The following ADGRL3 variants were observed in gnomAD, a reference collection of about 807,000 sequenced individuals.
The protein encoded by ADGRL3 is adhesion G protein-coupled receptor L3, also known as calcium-independent alpha-latrotoxin receptor 3.
In ADGRL3, 62 loss-of-function variants were observed where a neutral mutation model predicts 153.5. The ratio of observed to expected loss-of-function variants is 0.40; its 90% confidence interval spans 0.33 to 0.50. ADGRL3 has a LOEUF of 0.50. Among genes scored for constraint, ADGRL3 ranks in the 20% least tolerant of loss-of-function variants. The pLI is 0.47. For missense variants in ADGRL3, 1,641 were observed against 1,859.4 expected (o/e 0.88, Z 2.16); for synonymous variants, 710 against 672.5 (o/e 1.06, Z -0.86).
chr4:61,341,557 C>T (rs986680922), intron 1 of ADGRL3, among the ~76,000 whole-genome samples: 1 of 151,124 alleles, frequency 6.6e-6, no homozygotes, highest in African/African-American at 2.4e-5. Context: ...TTATGTTATG[C>T]ACATGTAATG....
At chr4:61,495,054 C>G (rs769593844) in intron 2 of ADGRL3, among the ~76,000 whole-genome samples, 3 of 152,042 alleles carry the variant, frequency 2.0e-5, no homozygotes, top group Non-Finnish European at 2.9e-5. Context: ...TAAGTAATAT[C>G]ACCCTACCCA....
chr4:61,725,436 C>G (rs1180995032), intron 6 of ADGRL3, among the ~76,000 whole-genome samples: 2 of 151,812 alleles, frequency 1.3e-5, no homozygotes, highest in African/African-American at 4.8e-5. Context: ...ACTAAAAATA[C>G]AAAACAAAAT....
chr4:61,712,192 G>A (rs938708942), intron 6 of ADGRL3, among the ~76,000 whole-genome samples: 2 of 152,040 alleles, frequency 1.3e-5, no homozygotes, highest in South Asian at 2.1e-4. Flanking sequence ...CCCGGAATTC[G>A]AGACCAGTCT....
At chr4:61,425,132 T>C (rs1431466419) in intron 2 of ADGRL3, among the ~76,000 whole-genome samples, 1 of 152,176 alleles carries the variant, frequency 6.6e-6, no homozygotes, top group African/African-American at 2.4e-5. Context: ...TTGTGCAGGC[T>C]ATGGTGGGCA....
chr4:61,352,394 CTT>C (rs373552031), intron 1 of ADGRL3, among the ~76,000 whole-genome samples: 1 of 145,076 alleles, frequency 6.9e-6, no homozygotes, highest in Non-Finnish European at 1.5e-5. Flanking sequence ...TAAACATAAC[CTT>C]TTTTTTTTTT....
rs765097086 is a variant in ADGRL3, at chr4:61,979,786, A to G, written c.3015+14A>G. On this transcript the variant is annotated intron_variant, in intron 18 of 26. Coordinates refer to ENST00000683033, the MANE Select transcript of ADGRL3 (RefSeq NM_001387552.1). ...ACTGACCAACCAGTAAGCAACCTAC[A>G]TTGATACCAGTGAAGAATTTTTCCA... 1.0e-5 allele frequency: 16 copies of G among 1,603,788 alleles called. No homozygotes were observed. In the East Asian group the frequency reaches 2.7e-4, roughly 27 times the overall value.
At chr4:61,704,522 C>T (rs13146728) in intron 6 of ADGRL3, among the ~76,000 whole-genome samples, 52,134 of 151,962 alleles carry the variant, frequency 0.34, 9,706 homozygotes, top group South Asian at 0.44. Flanking sequence ...TGGAAGCTCT[C>T]GCCTTGATGC....
At chr4:61,707,947 C>T (rs890332921) in intron 6 of ADGRL3, among the ~76,000 whole-genome samples, 2 of 152,040 alleles carry the variant, frequency 1.3e-5, no homozygotes, top group African/African-American at 4.8e-5. Flanking sequence ...ATGTGGGTCA[C>T]TCTCTCTTGC....
chr4:61,648,394 G>A (rs553785489), intron 5 of ADGRL3, among the ~76,000 whole-genome samples: 28 of 138,616 alleles, frequency 2.0e-4, no homozygotes, highest in Non-Finnish European at 2.9e-4. Flanking sequence ...CCCTCAATGA[G>A]TGATTTTTCT....
At chr4:61,715,976 T>C (rs1306038952) in intron 6 of ADGRL3, among the ~76,000 whole-genome samples, 1 of 151,436 alleles carries the variant, frequency 6.6e-6, no homozygotes, top group Non-Finnish European at 1.5e-5. Flanking sequence ...AAAAATCCTT[T>C]CCTCGACAAT....
At chr4:61,502,482 A>T (rs978365792) in intron 3 of ADGRL3, among the ~76,000 whole-genome samples, 30 of 84,094 alleles carry the variant, frequency 3.6e-4, no homozygotes, top group African/African-American at 1.8e-3. Flanking sequence ...CAGCTTATAC[A>T]TGTTTTTTTT....
chr4:61,752,498 G>T (rs186802635), intron 8 of ADGRL3, among the ~76,000 whole-genome samples: 1 of 152,314 alleles, frequency 6.6e-6, no homozygotes, highest in East Asian at 1.9e-4. Flanking sequence ...ATTTCTCTGT[G>T]TTCCTTCATC....
At chr4:62,063,908 CTTG>C (rs1410215390) in intron 25 of ADGRL3, among the ~76,000 whole-genome samples, 1 of 151,910 alleles carries the variant, frequency 6.6e-6, no homozygotes, top group Admixed American at 6.6e-5. Context: ...TTTGTCAGTA[CTTG>C]TTGTTCATTT....
chr4:61,436,566 T>C (rs2097448149), intron 2 of ADGRL3, among the ~76,000 whole-genome samples: 1 of 152,166 alleles, frequency 6.6e-6, no homozygotes, highest in African/African-American at 2.4e-5. Context: ...TGCTGACATA[T>C]ACGTGAGCAA....
At chr4:62,048,896 T>C (rs899071679) in intron 25 of ADGRL3, among the ~76,000 whole-genome samples, 1 of 152,076 alleles carries the variant, frequency 6.6e-6, no homozygotes. Context: ...TTCAGTTTGA[T>C]CCAAAAATGA....
chr4:61,608,374 C>G (rs2099040809), intron 5 of ADGRL3, among the ~76,000 whole-genome samples: 1 of 152,110 alleles, frequency 6.6e-6, no homozygotes, highest in East Asian at 1.9e-4. Context: ...AAGACTATTT[C>G]AGAGAATATA....
intron 8 of ADGRL3, among the ~76,000 whole-genome samples, chr4:61,773,091 A>C (rs750259291): frequency 1.6e-4 from 25 of 152,178 alleles, no homozygotes; most frequent in Non-Finnish European, 2.9e-4. Context: ...GATCATACTG[A>C]ACTGTTCTTC....
chr4:61,833,707 A>C (rs1327427721), intron 9 of ADGRL3, among the ~76,000 whole-genome samples: 2 of 152,154 alleles, frequency 1.3e-5, no homozygotes, highest in Non-Finnish European at 2.9e-5. Flanking sequence ...ATGACTCCTA[A>C]ACCACAATTT....
chr4:61,717,499 C>G (rs1348079086), intron 6 of ADGRL3, among the ~76,000 whole-genome samples: 1 of 151,996 alleles, frequency 6.6e-6, no homozygotes, highest in African/African-American at 2.4e-5. Context: ...TGACCTTGAG[C>G]AAGTAATTTA....
Sources: gnomAD v4.1 joint callset for allele counts (sites outside exome capture counted in the v4.1 genomes callset) on GRCh38, gnomAD v4.1.1 for gene constraint, MANE v1.5 for transcripts, NCBI Gene and HGNC (gene_info 2026-07-23, HGNC 2026-07-21) for gene names.